Variants in ATP8A1 observed in about 807,000 individuals in gnomAD.
ATP8A1 encodes the protein ATPase phospholipid transporting 8A1.
In ATP8A1, 90 loss-of-function variants were observed where a neutral mutation model predicts 177.7. The observed-to-expected ratio is 0.51, with a 90% confidence interval of 0.43 to 0.60. The LOEUF (loss-of-function observed/expected upper bound fraction) is 0.60, where lower values mean the gene tolerates loss of function less well. Ranked by LOEUF, ATP8A1 falls within the 20% of genes least tolerant of loss-of-function variation. The probability of loss-of-function intolerance (pLI) is 0.00; values close to 1 mark genes in which losing one functional copy is unlikely to be tolerated. For synonymous variants in ATP8A1, 493 were observed against 485.9 expected (o/e 1.01, Z -0.19); for missense variants, 1,072 against 1,392.8 (o/e 0.77, Z 3.67).
intron 1 of ATP8A1, among the ~76,000 whole-genome samples, chr4:42,632,135 G>A (rs138162947): frequency 6.6e-6 from 1 of 152,100 alleles, no homozygotes; most frequent in Admixed American, 6.6e-5. Context: ...ACTGAGCAAG[G>A]ATCCTTTTCT....
At chr4:42,514,683 T>C (rs1725351608) in intron 22 of ATP8A1, among the ~76,000 whole-genome samples, 1 of 152,192 alleles carries the variant, frequency 6.6e-6, no homozygotes, top group South Asian at 2.1e-4. Flanking sequence ...ATTCTTGCTT[T>C]CTTCAAAAGC....
intron 29 of ATP8A1, 86 bp downstream of exon 29, chr4:42,455,211 G>A: frequency 6.6e-7 from 1 of 1,520,780 alleles, no homozygotes; most frequent in Non-Finnish European, 8.9e-7. Flanking sequence ...GTGTATCCTT[G>A]GCCTTTGAAA....
Position 42,408,677 on chromosome 4 carries a change from C to T in ATP8A1, c.*4239G>A, listed in dbSNP as rs191420358. On this transcript the variant is annotated 3_prime_UTR_variant, in exon 37 of 37. Transcript: ENST00000381668. ...TGAAAATACTACTTTATCTTTAACGCAAAACTGCAGTTTTCTGTAGTAGCT... is the reference window on the plus strand; with the variant it reads ...TGAAAATACTACTTTATCTTTAACGTAAAACTGCAGTTTTCTGTAGTAGCT... 1 of 152,298 alleles carries T rather than the reference C, an allele frequency of 6.6e-6. No homozygotes were observed. The allele number at this position is 152,298 out of a possible 1,614,324, so 9.4% of individuals were successfully genotyped here.
intron 1 of ATP8A1, among the ~76,000 whole-genome samples, chr4:42,635,770 CACACACACACACAT>C (rs1739225475): frequency 5.1e-5 from 3 of 59,270 alleles, no homozygotes; most frequent in African/African-American, 1.1e-4. Flanking sequence ...CACACACACA[CACACACACACACAT>C]ATATATATAT....
At chr4:42,432,107 C>T (rs1715373340) in intron 33 of ATP8A1, among the ~76,000 whole-genome samples, 1 of 152,108 alleles carries the variant, frequency 6.6e-6, no homozygotes, top group African/African-American at 2.4e-5. Flanking sequence ...ATCTCAGTTA[C>T]CCATAATAGG....
rs190218322 is a variant in ATP8A1 at position 42,654,508 on chromosome 4, T to A, written c.49+2317A>T. 3.9e-5 allele frequency among the ~76,000 whole-genome samples: 6 copies of A among 152,300 alleles called. No homozygotes were observed. The East Asian group carries it at 1.2e-3, about 29-fold the overall frequency. On this transcript the variant is annotated intron_variant, in intron 1 of 36. Transcript: ENST00000381668. ...AAGGTCTCGCCACCCTCTCTCAGGA[T>A]CTGTGTCTGCCCATCCATTCCATTT... is the stretch of plus-strand genomic sequence containing the variant.
intron 9 of ATP8A1, among the ~76,000 whole-genome samples, 163 bp from the exon 10 acceptor site, chr4:42,581,895 C>T (rs536371602): frequency 5.9e-5 from 9 of 152,234 alleles, no homozygotes; most frequent in African/African-American, 1.4e-4. Flanking sequence ...TAAACAGCAA[C>T]GACACAAGTA....
chr4:42,594,767 G>A (rs2109380894), intron 6 of ATP8A1, among the ~76,000 whole-genome samples: 1 of 152,138 alleles, frequency 6.6e-6, no homozygotes, highest in Non-Finnish European at 1.5e-5. Context: ...AACAAGTATT[G>A]CTTATAACTC....
At chr4:42,426,315 G>A (rs772173070) in intron 33 of ATP8A1, among the ~76,000 whole-genome samples, 3 of 152,100 alleles carry the variant, frequency 2.0e-5, no homozygotes, top group South Asian at 2.1e-4. Context: ...ACAAACTAAC[G>A]GCATGGTTCT....
chr4:42,442,290 C>A (rs1194326281), intron 33 of ATP8A1, among the ~76,000 whole-genome samples: 1 of 152,126 alleles, frequency 6.6e-6, no homozygotes, highest in Non-Finnish European at 1.5e-5. Context: ...AAAGGCAGGT[C>A]CAATGAGACA....
chr4:42,527,348 G>A (rs1726783946), intron 20 of ATP8A1, among the ~76,000 whole-genome samples: 1 of 152,200 alleles, frequency 6.6e-6, no homozygotes, highest in East Asian at 1.9e-4. Flanking sequence ...AACTTGGAAT[G>A]GGGACGTGTG....
intron 22 of ATP8A1, among the ~76,000 whole-genome samples, chr4:42,517,015 T>C (rs1725610028): frequency 6.6e-6 from 1 of 152,082 alleles, no homozygotes; most frequent in South Asian, 2.1e-4. Context: ...AAAAACCTGA[T>C]TTAGGCCAGG....
At chr4:42,527,997 A>C (rs1248844553) in intron 20 of ATP8A1, among the ~76,000 whole-genome samples, 2 of 151,988 alleles carry the variant, frequency 1.3e-5, no homozygotes, top group Admixed American at 6.5e-5. Context: ...AAATGATCAG[A>C]CATTTTGGGG....
intron 21 of ATP8A1, among the ~76,000 whole-genome samples, chr4:42,522,692 T>A (rs1416383117): frequency 6.6e-6 from 1 of 152,142 alleles, no homozygotes; most frequent in Admixed American, 6.5e-5. Flanking sequence ...ACTTCCCACA[T>A]AGGGGGGTCT....
At chr4:42,523,729 A>G (rs1377228411) in intron 21 of ATP8A1, among the ~76,000 whole-genome samples, 1 of 152,172 alleles carries the variant, frequency 6.6e-6, no homozygotes, top group African/African-American at 2.4e-5. Context: ...CAAAACAAAA[A>G]GAACCTGTGT....
chr4:42,454,603 A>G (rs1476643054), intron 29 of ATP8A1, among the ~76,000 whole-genome samples: 6 of 152,204 alleles, frequency 3.9e-5, no homozygotes, highest in Non-Finnish European at 8.8e-5. Flanking sequence ...ATTAACAAAT[A>G]CCAATGGAAA....
At chr4:42,471,912 G>A (rs1720461222) in intron 25 of ATP8A1, 3 of 643,484 alleles carry the variant, frequency 4.7e-6, no homozygotes, top group South Asian at 1.4e-5. Flanking sequence ...AGATAAACTC[G>A]GACCTCAAGG....
intron 20 of ATP8A1, among the ~76,000 whole-genome samples, chr4:42,527,911 C>T (rs1365398718): frequency 6.6e-6 from 1 of 152,116 alleles, no homozygotes; most frequent in Non-Finnish European, 1.5e-5. Context: ...ACAATTTATG[C>T]TGTTAATCCT....
At position 42,575,676 on chromosome 4, in the gene ATP8A1, G is replaced by A; in HGVS notation, c.1152C>T (p.Pro384=). 3.1e-6 allele frequency: 5 copies of A among 1,613,488 alleles called. No individual in the cohort carries two copies. In the South Asian group the frequency reaches 5.5e-5, roughly 18 times the overall value. The change falls in exon 13 of 37, where the codon CCC becomes CCT. Residue 384 remains proline (P), a synonymous_variant. Transcript: ENST00000381668. The part of the protein sequence containing the change: ...INWDLDMHYE[P]TDTAAMARTS... ...TTCGAGCCATAGCAGCAGTGTCTGT[G>A]GGTTCATAGTGCATGTCAAGATCCT...
Sources: gnomAD v4.1 joint callset for allele counts (sites outside exome capture counted in the v4.1 genomes callset) on GRCh38, gnomAD v4.1.1 for gene constraint, MANE v1.5 for transcripts, NCBI Gene and HGNC (gene_info 2026-07-23, HGNC 2026-07-21) for gene names.